The following TERF2 variants were observed in gnomAD, a reference collection of about 807,000 sequenced individuals.
The protein encoded by TERF2 is telomeric repeat-binding factor 2.
A neutral mutation model predicts 56.1 loss-of-function variants in TERF2; 16 were observed. That is an observed-to-expected ratio of 0.29 (90% CI 0.19 to 0.43). The LOEUF (loss-of-function observed/expected upper bound fraction) is 0.43. Ranked by LOEUF, TERF2 falls within the 20% of genes least tolerant of loss-of-function variation. TERF2 has a pLI of 1.00. For missense variants in TERF2, 547 were observed against 712.9 expected, an observed-to-expected ratio of 0.77 and a Z score of 2.65; for synonymous variants, 296 against 282.1, an observed-to-expected ratio of 1.05 and a Z score of -0.50.
chr16:69,385,950 C>T lies in TERF2; in HGVS notation c.22G>A (p.Ala8Thr), dbSNP rs2014191992. MAAGAGTAGPASGPGVVR... is the reference protein window; with the variant it reads MAAGAGTTGPASGPGVVR... ...ACGCCCGGGCCGGAAGCGGGGCCCG[C>T]CGTCCCGGCTCCCGCGGCCATGATA... The change falls in exon 1 of 10, where the codon GCG becomes ACG. Residue 8 changes from alanine (A) to threonine (T), a missense_variant. Physicochemically the swap from Ala to Thr is moderately conservative, Grantham distance 58. Transcript: ENST00000254942. 9.5e-6 allele frequency: 13 copies of T among 1,362,846 alleles called. No individual in the cohort carries two copies. In the South Asian group the frequency reaches 1.8e-4, roughly 19 times the overall value. 84.4% of individuals were successfully genotyped at this position (1,362,846 alleles called of 1,614,324 possible). A position where few individuals can be genotyped will look rare whatever the true frequency, so the allele number is the denominator to read the frequency against.
chr16:69,370,635 C>T lies in TERF2; in HGVS notation c.694-6G>A, dbSNP rs187611640. 128 of 1,599,818 alleles carry T rather than the reference C, an allele frequency of 8.0e-5. No homozygotes were observed. In the African/African-American group the frequency reaches 1.6e-3, roughly 20 times the overall value. ...AGGAGATCATTTCTCAGCTTCTACA[C>T]AATGGACCGATATTTGCAACATGAG... On this transcript the variant is annotated splice_region_variant and splice_polypyrimidine_tract_variant and intron_variant, in intron 4 of 9. Coordinates refer to ENST00000254942, the MANE Select transcript of TERF2 (RefSeq NM_005652.5).
intron 7 of TERF2, chr16:69,364,998 A>C (rs572324953): frequency 6.6e-6 from 1 of 152,400 alleles, no homozygotes; most frequent in East Asian, 1.9e-4. Flanking sequence ...TTACAAAAAC[A>C]GGCAGTAGGC....
rs1289452961 is a variant in TERF2, at chr16:69,356,436, G to T, written c.*462C>A. On this transcript the variant is annotated 3_prime_UTR_variant, in exon 10 of 10. Transcript: ENST00000254942. Reference sequence around the variant, plus strand: ...TAGCTCCATGATCTCCAACAGTGATGAAGTGGAAATGGGACCTCCCCCACG... The same window carrying T: ...TAGCTCCATGATCTCCAACAGTGATTAAGTGGAAATGGGACCTCCCCCACG... The T allele has an allele frequency of 7.3e-6, 2 of 275,120 alleles. No individual in the cohort carries two copies. Among genetic ancestry groups the T allele is most frequent in the Admixed American group, 1.0e-4 (2 of 19,934 alleles). 17.0% of individuals were successfully genotyped at this position (275,120 alleles called of 1,614,324 possible). A position where few individuals can be genotyped will look rare whatever the true frequency, so the allele number is the denominator to read the frequency against.
intron 3 of TERF2, among the ~76,000 whole-genome samples, chr16:69,378,306 G>A (rs2013868058): frequency 6.6e-6 from 1 of 152,168 alleles, no homozygotes; most frequent in African/African-American, 2.4e-5. Context: ...GGAAGGCTAT[G>A]GAATTTGTTC....
At chr16:69,361,293 G>T in intron 8 of TERF2, 111 bp downstream of exon 8, 2 of 762,686 alleles carry the variant, frequency 2.6e-6, no homozygotes, top group Non-Finnish European at 2.3e-6. Context: ...GGAACTTACT[G>T]AACTTTTTCT....
At chr16:69,383,697 G>A (rs2014084547) in intron 3 of TERF2, among the ~76,000 whole-genome samples, 1 of 152,204 alleles carries the variant, frequency 6.6e-6, no homozygotes, top group Admixed American at 6.5e-5. Context: ...GGGTACCCAA[G>A]TACAATGTAC....
chr16:69,379,814 C>G (rs1017554577), intron 3 of TERF2, among the ~76,000 whole-genome samples: 3 of 152,104 alleles, frequency 2.0e-5, no homozygotes, highest in Non-Finnish European at 2.9e-5. Context: ...ATTTGTTTTT[C>G]ATTTTGAAAA....
chr16:69,370,821 T>TAAAAA (rs1567449829), intron 4 of TERF2, among the ~76,000 whole-genome samples, 192 bp from the exon 5 acceptor site: 1 of 152,164 alleles, frequency 6.6e-6, no homozygotes, highest in Non-Finnish European at 1.5e-5. Flanking sequence ...TGGGTTACTA[T>TAAAAA]GCAGCTATAA....
At chr16:69,370,740 A>C in intron 4 of TERF2, 111 bp from the exon 5 acceptor site, 1 of 1,066,430 alleles carries the variant, frequency 9.4e-7, no homozygotes, top group Admixed American at 2.4e-5. Flanking sequence ...CGTCAATGCA[A>C]ATCACTGGCA....
At chr16:69,368,660 T>G in intron 5 of TERF2, 178 bp from the exon 6 acceptor site, 1 of 1,481,394 alleles carries the variant, frequency 6.8e-7, no homozygotes, top group South Asian at 1.2e-5. Context: ...CAAGCTTTTT[T>G]TATTCAAACT....
Position 69,385,954 on chromosome 16 carries a change from C to T in TERF2, c.18G>A (p.Gly6=), listed in dbSNP as rs1187798938. 1 of 1,360,860 alleles carries T rather than the reference C, an allele frequency of 7.3e-7. No homozygotes were observed. The highest frequency in any genetic ancestry group is 9.5e-7 in the Non-Finnish European group (1 of 1,056,604). The allele number at this position is 1,360,860 out of a possible 1,614,324, so 84.3% of individuals were successfully genotyped here. A position where few individuals can be genotyped will look rare whatever the true frequency, so the allele number is the denominator to read the frequency against. The change falls in exon 1 of 10, where the codon GGG becomes GGA. Residue 6 remains glycine, a synonymous_variant. Transcript: ENST00000254942. MAAGA[G]TAGPASGPGV... is the part of the protein sequence containing the mutation. ...CCGGGCCGGAAGCGGGGCCCGCCGT[C>T]CCGGCTCCCGCGGCCATGATAGAAA...
intron 3 of TERF2, among the ~76,000 whole-genome samples, chr16:69,379,566 T>C (rs2013918515): frequency 1.3e-5 from 2 of 152,230 alleles, no homozygotes; most frequent in Admixed American, 1.3e-4. Context: ...CTCAAATTTT[T>C]GGTCTCAGGA....
intron 3 of TERF2, among the ~76,000 whole-genome samples, chr16:69,384,344 C>G (rs1486486958): frequency 6.6e-6 from 1 of 152,120 alleles, no homozygotes. Flanking sequence ...GCTTCAATGC[C>G]AAAGCCACAA....
chr16:69,358,834 A>G (rs1044226553), intron 8 of TERF2, among the ~76,000 whole-genome samples: 5 of 152,270 alleles, frequency 3.3e-5, no homozygotes, highest in Admixed American at 1.3e-4. Context: ...TTCCACTGCT[A>G]TAACAGTCCT....
At chr16:69,359,281 A>G (rs2013036520) in intron 8 of TERF2, among the ~76,000 whole-genome samples, 1 of 152,204 alleles carries the variant, frequency 6.6e-6, no homozygotes, top group Non-Finnish European at 1.5e-5. Context: ...TAATCCCAGC[A>G]CTTTGGGAGG....
At chr16:69,383,330 C>T (rs2014073735) in intron 3 of TERF2, among the ~76,000 whole-genome samples, 1 of 152,094 alleles carries the variant, frequency 6.6e-6, no homozygotes, top group African/African-American at 2.4e-5. Flanking sequence ...GCAAATATTC[C>T]AAAATCTGAA....
At chr16:69,384,882 T>A in intron 2 of TERF2, 172 bp from the exon 3 acceptor site, 1 of 568,228 alleles carries the variant, frequency 1.8e-6, no homozygotes, top group Non-Finnish European at 2.7e-6. Context: ...GGGTCCAAAT[T>A]CAAATCAATG....
Position 69,356,119 on chromosome 16 carries a change from A to T in TERF2, c.*779T>A, listed in dbSNP as rs368311936. Reference sequence around the variant, plus strand: ...TTCCACAAGGACTGGTCTGTCATCAACCTGGGTTCATAACAGACTAAGTTC... The same window carrying T: ...TTCCACAAGGACTGGTCTGTCATCATCCTGGGTTCATAACAGACTAAGTTC... On this transcript the variant is annotated 3_prime_UTR_variant, in exon 10 of 10. Transcript: ENST00000254942. 24 of 433,102 alleles carry T rather than the reference A, an allele frequency of 5.5e-5. No individual in the cohort carries two copies. The highest frequency in any genetic ancestry group is 4.1e-4 in the African/African-American group (20 of 49,138). The allele number at this position is 433,102 out of a possible 1,614,324, so 26.8% of individuals were successfully genotyped here. A position where few individuals can be genotyped will look rare whatever the true frequency, so the allele number is the denominator to read the frequency against.
At position 69,376,169 on chromosome 16, in the gene TERF2, C is replaced by T. The variant is rs544363630; in HGVS notation, c.607-3814G>A. Among the ~76,000 whole-genome samples the T allele has an allele frequency of 3.9e-5, 6 of 152,268 alleles. No homozygotes were observed. In the East Asian group the frequency reaches 7.7e-4, roughly 20 times the overall value. On this transcript the variant is annotated intron_variant, in intron 3 of 9. Coordinates refer to ENST00000254942, the MANE Select transcript of TERF2 (RefSeq NM_005652.5). ...ACATAAAGATTCCTTCATGTTTCCT[C>T]TAAGTTTTATGGTTTCACATTTTAC...
Sources: allele counts gnomAD v4.1 joint callset (sites outside exome capture counted in the v4.1 genomes callset), GRCh38; gene constraint gnomAD v4.1.1; transcripts MANE v1.5; gene names NCBI Gene and HGNC (gene_info 2026-07-23, HGNC 2026-07-21).